The following SLIT3 variants were observed in gnomAD, a reference collection of about 807,000 sequenced individuals.
SLIT3 encodes slit guidance ligand 3.
A neutral mutation model predicts 184.0 loss-of-function variants in SLIT3; 68 were observed. The observed-to-expected ratio is 0.37, with a 90% CI of 0.30 to 0.45. SLIT3 has a LOEUF of 0.45. Ranked by LOEUF, SLIT3 falls within the 20% of genes least tolerant of loss-of-function variation. The pLI, the probability that SLIT3 is intolerant of heterozygous loss-of-function variation, is 1.00. For missense variants in SLIT3, 1,707 were observed against 2,026.0 expected, an observed-to-expected ratio of 0.84 and a Z score of 3.02; for synonymous variants, 831 against 828.6, an observed-to-expected ratio of 1.00 and a Z score of -0.05.
At chr5:169,265,724 G>T (rs982922043) in intron 1 of SLIT3, among the ~76,000 whole-genome samples, 1 of 152,106 alleles carries the variant, frequency 6.6e-6, no homozygotes. Context: ...GAGATGATAC[G>T]TATAAAGTGA....
intron 4 of SLIT3, among the ~76,000 whole-genome samples, chr5:169,023,059 G>A (rs115651486): frequency 2.8e-3 from 425 of 152,284 alleles, no homozygotes; most frequent in African/African-American, 9.5e-3. Flanking sequence ...CTGAGGAAAC[G>A]GAAGCTCTAA....
At chr5:168,884,581 T>TATATATATATATAG (rs1760116903) in intron 4 of SLIT3, among the ~76,000 whole-genome samples, 1 of 131,598 alleles carries the variant, frequency 7.6e-6, no homozygotes, top group Non-Finnish European at 1.6e-5. Flanking sequence ...TATATATATA[T>TATATATATATATAG]GAAATTCCAC....
intron 16 of SLIT3, among the ~76,000 whole-genome samples, chr5:168,755,597 G>C (rs1429419819): frequency 1.3e-5 from 2 of 151,730 alleles, no homozygotes; most frequent in East Asian, 3.9e-4. Context: ...ACCATGCCCT[G>C]CTAATTTTTT....
intron 4 of SLIT3, among the ~76,000 whole-genome samples, chr5:168,906,760 T>C (rs1428522963): frequency 1.3e-5 from 2 of 152,214 alleles, no homozygotes; most frequent in Non-Finnish European, 2.9e-5. Flanking sequence ...TTATAGGTTG[T>C]GTGTGTTTGA....
chr5:169,093,705 C>T (rs1272882155), intron 4 of SLIT3, among the ~76,000 whole-genome samples: 1 of 152,106 alleles, frequency 6.6e-6, no homozygotes, highest in Non-Finnish European at 1.5e-5. Context: ...ATTAGTTGTG[C>T]CAGATATAAG....
intron 3 of SLIT3, among the ~76,000 whole-genome samples, chr5:169,243,867 G>A (rs1475126295): frequency 6.6e-6 from 1 of 152,244 alleles, no homozygotes; most frequent in Non-Finnish European, 1.5e-5. Flanking sequence ...ACTTTGAAGA[G>A]AGCCACCCAC....
intron 4 of SLIT3, among the ~76,000 whole-genome samples, chr5:168,928,796 C>A (rs1761905579): frequency 6.6e-6 from 1 of 152,100 alleles, no homozygotes; most frequent in Non-Finnish European, 1.5e-5. Context: ...CCTATTTCTC[C>A]CATTTTCATG....
At chr5:169,027,648 G>T (rs1756876916) in intron 4 of SLIT3, among the ~76,000 whole-genome samples, 1 of 152,174 alleles carries the variant, frequency 6.6e-6, no homozygotes, top group African/African-American at 2.4e-5. Context: ...CCTCCTGAAT[G>T]TAATAAGCCT....
chr5:168,791,662 A>G (rs575824403), intron 10 of SLIT3: 15 of 152,294 alleles, frequency 9.8e-5, no homozygotes, highest in African/African-American at 3.1e-4. Context: ...ATATGCTTTC[A>G]TTGTGGAATA....
chr5:169,263,397 A>G (rs758264714), intron 1 of SLIT3, among the ~76,000 whole-genome samples: 20 of 151,910 alleles, frequency 1.3e-4, no homozygotes, highest in Non-Finnish European at 2.6e-4. Flanking sequence ...GTGACAACAG[A>G]GGCAGAGACT....
At chr5:168,985,243 A>T (rs76109904) in intron 4 of SLIT3, among the ~76,000 whole-genome samples, 4,791 of 152,242 alleles carry the variant, frequency 0.031, 105 homozygotes, top group African/African-American at 0.054. Context: ...CTAGCCCAGG[A>T]GTCAGGACCT....
At chr5:168,710,553 C>T (rs1477338461) in intron 25 of SLIT3, among the ~76,000 whole-genome samples, 2 of 150,786 alleles carry the variant, frequency 1.3e-5, no homozygotes, top group African/African-American at 4.9e-5. Context: ...CGTTGGAGAT[C>T]AGGAGTTTGA....
intron 12 of SLIT3, among the ~76,000 whole-genome samples, chr5:168,782,157 C>G (rs1023234067): frequency 6.6e-6 from 1 of 152,166 alleles, no homozygotes; most frequent in African/African-American, 2.4e-5. Context: ...CCGAGAGCCT[C>G]AAATGGTCTT....
chr5:169,098,666 C>A (rs1214030808), intron 4 of SLIT3, among the ~76,000 whole-genome samples: 1 of 152,184 alleles, frequency 6.6e-6, no homozygotes, highest in Non-Finnish European at 1.5e-5. Context: ...ATGTGCCCAC[C>A]TACAAATGTG....
At chr5:169,116,609 G>A (rs747883783) in intron 4 of SLIT3, among the ~76,000 whole-genome samples, 30 of 152,168 alleles carry the variant, frequency 2.0e-4, no homozygotes, top group Non-Finnish European at 3.8e-4. Flanking sequence ...AGGCAACCAG[G>A]CCTATTATCA....
rs368572134 is a variant in SLIT3, at chr5:169,211,976, G to T, written c.342-18426C>A. Reference sequence around the variant, plus strand: ...AAGACATCAACTCATCCTTTTTTATGGCTGCATAGTATTCCATGGTGTATT... The same window carrying T: ...AAGACATCAACTCATCCTTTTTTATTGCTGCATAGTATTCCATGGTGTATT... On this transcript the variant is annotated intron_variant, in intron 3 of 35. Transcript: ENST00000519560. 9.2e-3 allele frequency among the ~76,000 whole-genome samples: 1,400 copies of T among 152,238 alleles called. 22 individuals are homozygous for T. The highest frequency in any genetic ancestry group is 0.032 in the African/African-American group (1,314 of 41,528).
chr5:169,274,044 T>C (rs1766721817), intron 1 of SLIT3, among the ~76,000 whole-genome samples: 1 of 152,184 alleles, frequency 6.6e-6, no homozygotes, highest in Non-Finnish European at 1.5e-5. Context: ...GACAGCATCA[T>C]AATCCCCCAA....
intron 3 of SLIT3, among the ~76,000 whole-genome samples, chr5:169,194,896 A>G (rs1036825194): frequency 3.3e-5 from 5 of 152,208 alleles, no homozygotes; most frequent in Non-Finnish European, 7.4e-5. Context: ...CTGGGCCAAG[A>G]GAGACGCCCT....
At chr5:169,167,525 A>G (rs1581010112) in intron 4 of SLIT3, among the ~76,000 whole-genome samples, 1 of 151,760 alleles carries the variant, frequency 6.6e-6, no homozygotes, top group South Asian at 2.1e-4. Flanking sequence ...ATCCGCTTAC[A>G]TCGGCCTCCC....
Sources: allele counts gnomAD v4.1 joint callset (sites outside exome capture counted in the v4.1 genomes callset), GRCh38; gene constraint gnomAD v4.1.1; transcripts MANE v1.5; gene names NCBI Gene and HGNC (gene_info 2026-07-23, HGNC 2026-07-21).